CTNNA3: variants seen among roughly 807,000 people sequenced by gnomAD.
CTNNA3 encodes catenin alpha-3.
CTNNA3 carries 76 observed loss-of-function variants against 95.7 expected under a neutral mutation model. That is an observed-to-expected ratio of 0.79 (90% CI 0.66 to 0.96). The LOEUF (loss-of-function observed/expected upper bound fraction) is 0.96, where lower values mean the gene tolerates loss of function less well. Among genes scored for constraint, CTNNA3 ranks in the 40% least tolerant of loss-of-function variants. CTNNA3 has a pLI of 0.00. For synonymous variants in CTNNA3, 431 were observed against 374.4 expected, an observed-to-expected ratio of 1.15 and a Z score of -1.74; for missense variants, 1,191 against 1,089.8, an observed-to-expected ratio of 1.09 and a Z score of -1.31.
chr10:67,175,057 T>C (rs1862174886), intron 7 of CTNNA3, among the ~76,000 whole-genome samples: 1 of 121,466 alleles, frequency 8.2e-6, no homozygotes, highest in Admixed American at 1.1e-4. Context: ...ACAATTCTCA[T>C]ATGCAGTCCA....
At chr10:67,189,778 C>G (rs1863035848) in intron 6 of CTNNA3, among the ~76,000 whole-genome samples, 4 of 151,618 alleles carry the variant, frequency 2.6e-5, no homozygotes, top group Admixed American at 2.6e-4. Flanking sequence ...TCTGAGTAAA[C>G]AAAAAAACTG....
chr10:65,921,370 A>C (rs2077083704), intron 17 of CTNNA3, among the ~76,000 whole-genome samples: 2 of 152,260 alleles, frequency 1.3e-5, no homozygotes, highest in Non-Finnish European at 2.9e-5. Flanking sequence ...AATGTCTGCT[A>C]GCAAACCCTT....
intron 1 of CTNNA3, among the ~76,000 whole-genome samples, chr10:67,758,821 T>C (rs989447570): frequency 6.6e-6 from 1 of 152,204 alleles, no homozygotes; most frequent in African/African-American, 2.4e-5. Flanking sequence ...ATCTCTGCTA[T>C]TACAAAGTCA....
Position 66,360,596 on chromosome 10 carries a change from CTTCTTTCTTTCTTTCTTTCT to C in CTNNA3, c.1732+18536_1732+18555del, listed in dbSNP as rs869161944. ...AGGCTTACCTCTAATGTATTCTTTC[CTTCTTTCTTTCTTTCTTTCT>C]TTCTTTCTTTCTTTCTTTCTTTCTT... On this transcript the variant is annotated intron_variant, in intron 12 of 17. Transcript: ENST00000433211. Among the ~76,000 whole-genome samples the C allele has an allele frequency of 7.0e-3, 657 of 94,074 alleles. 9 individuals carry two copies. The highest frequency in any genetic ancestry group is 0.025 in the Middle Eastern group (4 of 162). The allele number at this position is 94,074 out of a possible 152,430, so 61.7% of individuals were successfully genotyped here.
intron 7 of CTNNA3, among the ~76,000 whole-genome samples, chr10:67,020,006 TACC>T (rs1200883650): frequency 7.4e-5 from 2 of 27,024 alleles, no homozygotes; most frequent in East Asian, 1.6e-3. Flanking sequence ...ATTGTGTTAA[TACC>T]AATATCAACT....
chr10:67,709,643 T>C (rs915616437), intron 1 of CTNNA3, among the ~76,000 whole-genome samples: 31 of 151,590 alleles, frequency 2.0e-4, no homozygotes, highest in Non-Finnish European at 3.4e-4. Context: ...TCTCCCTTGA[T>C]TGGGTTCCTC....
chr10:67,189,337 A>G (rs1023939509), intron 6 of CTNNA3, among the ~76,000 whole-genome samples: 1 of 152,084 alleles, frequency 6.6e-6, no homozygotes, highest in African/African-American at 2.4e-5. Context: ...GACAGGATTC[A>G]GGAGATGCTG....
chr10:67,056,764 A>G (rs142941416), intron 7 of CTNNA3, among the ~76,000 whole-genome samples: 2 of 152,334 alleles, frequency 1.3e-5, no homozygotes, highest in East Asian at 3.9e-4. Context: ...ACTTTATATG[A>G]CAACTATGAT....
At chr10:66,560,896 G>T (rs1263282913) in intron 10 of CTNNA3, among the ~76,000 whole-genome samples, 5 of 151,886 alleles carry the variant, frequency 3.3e-5, no homozygotes, top group African/African-American at 1.2e-4. Flanking sequence ...TGAGAAACTA[G>T]CAAGAGCACA....
chr10:67,726,099 TTA>T (rs1288220981), intron 1 of CTNNA3, among the ~76,000 whole-genome samples: 1 of 117,654 alleles, frequency 8.5e-6, no homozygotes, highest in Non-Finnish European at 1.6e-5. Context: ...TAATATATAA[TTA>T]TATAAGATTA....
At chr10:65,928,489 A>G (rs1160617220) in intron 17 of CTNNA3, among the ~76,000 whole-genome samples, 1 of 152,216 alleles carries the variant, frequency 6.6e-6, no homozygotes, top group Non-Finnish European at 1.5e-5. Flanking sequence ...AATATGATCC[A>G]TGTAGGTGGA....
intron 6 of CTNNA3, among the ~76,000 whole-genome samples, chr10:67,207,982 G>T (rs1243017393): frequency 6.6e-6 from 1 of 152,114 alleles, no homozygotes; most frequent in Non-Finnish European, 1.5e-5. Flanking sequence ...AACATCAACA[G>T]AATTAGAGTC....
intron 9 of CTNNA3, among the ~76,000 whole-genome samples, chr10:66,658,193 C>T (rs1846133677): frequency 6.6e-6 from 1 of 151,720 alleles, no homozygotes; most frequent in Admixed American, 6.6e-5. Flanking sequence ...ATTTCCATCA[C>T]TTGTCAATGA....
intron 2 of CTNNA3, among the ~76,000 whole-genome samples, chr10:67,635,366 A>G (rs1230936824): frequency 6.6e-6 from 1 of 152,212 alleles, no homozygotes; most frequent in Non-Finnish European, 1.5e-5. Context: ...ATACAACCAA[A>G]CAAATAAAAC....
chr10:67,496,716 C>T (rs1378891765), intron 5 of CTNNA3, among the ~76,000 whole-genome samples: 1 of 152,040 alleles, frequency 6.6e-6, no homozygotes, highest in Non-Finnish European at 1.5e-5. Context: ...TGTCCTAATT[C>T]CATCAATTTT....
intron 5 of CTNNA3, among the ~76,000 whole-genome samples, chr10:67,485,152 GT>G (rs1365898604): frequency 1.3e-5 from 2 of 152,138 alleles, no homozygotes; most frequent in African/African-American, 4.8e-5. Flanking sequence ...AAAGATTGAA[GT>G]TGTGTCCTCT....
intron 10 of CTNNA3, among the ~76,000 whole-genome samples, chr10:66,543,200 C>A (rs999237733): frequency 6.6e-6 from 1 of 152,070 alleles, no homozygotes; most frequent in African/African-American, 2.4e-5. Context: ...TCAAGCAATT[C>A]TCCTGTCTCA....
intron 1 of CTNNA3, among the ~76,000 whole-genome samples, chr10:67,758,722 A>T (rs1841447273): frequency 6.6e-6 from 1 of 151,914 alleles, no homozygotes; most frequent in South Asian, 2.1e-4. Context: ...AACTGGGTAT[A>T]AGATTTCATT....
At chr10:66,480,436 T>C (rs775405553) in intron 11 of CTNNA3, among the ~76,000 whole-genome samples, 28 of 152,194 alleles carry the variant, frequency 1.8e-4, no homozygotes, top group Admixed American at 8.5e-4. Context: ...GTACTTTTCA[T>C]TTGCTCTTTT....
Sources: allele counts gnomAD v4.1 joint callset (sites outside exome capture counted in the v4.1 genomes callset), GRCh38; gene constraint gnomAD v4.1.1; transcripts MANE v1.5; gene names NCBI Gene and HGNC (gene_info 2026-07-23, HGNC 2026-07-21).